Variants in JPH4 observed in about 807,000 individuals in gnomAD.
JPH4 encodes the protein junctophilin 4.
A neutral mutation model predicts 57.6 loss-of-function variants in JPH4; 18 were observed. The ratio of observed to expected loss-of-function variants is 0.31; its 90% confidence interval spans 0.22 to 0.46. The LOEUF is 0.46. Ranked by LOEUF, JPH4 falls within the 20% of genes least tolerant of loss-of-function variation. The pLI, the probability that JPH4 is intolerant of heterozygous loss-of-function variation, is 1.00. For missense variants in JPH4, 727 were observed against 911.1 expected (o/e 0.80, Z 2.60); for synonymous variants, 425 against 406.6 (o/e 1.05, Z -0.54).
At position 23,569,730 on chromosome 14, in the gene JPH4, A is replaced by G. The variant is rs139748760; in HGVS notation, c.1804-13T>C. On this transcript the variant is annotated splice_polypyrimidine_tract_variant and intron_variant, in intron 5 of 5. Transcript: ENST00000356300. This position sits in a 1 kb window ranked among gnomAD's most constrained non-coding sequence, Gnocchi z 4.8. ...GGTTGGCAGCTCCCTAGAGAGACAGAGGGGGAAGCAGACTCAGTCCCCGAG... is the reference window on the plus strand; with the variant it reads ...GGTTGGCAGCTCCCTAGAGAGACAGGGGGGGAAGCAGACTCAGTCCCCGAG... 2.1e-4 allele frequency: 325 copies of G among 1,533,028 alleles called. 1 individual carries two copies. In the Middle Eastern group the frequency reaches 2.7e-3, roughly 13 times the overall value. The allele number at this position is 1,533,028 out of a possible 1,614,324, so 95.0% of individuals were successfully genotyped here. A position where few individuals can be genotyped will look rare whatever the true frequency, so the allele number is the denominator to read the frequency against.
Position 23,571,091 on chromosome 14 carries a change from C to T in JPH4, c.1640G>A (p.Gly547Glu), listed in dbSNP as rs1889127060. 1.2e-6 allele frequency: 2 copies of T among 1,613,720 alleles called. No individual in the cohort carries two copies. The highest frequency in any genetic ancestry group is 1.1e-5 in the South Asian group (1 of 91,062). Reference sequence around the variant, plus strand: ...CGGGGGCAGGGGCTCTTCATCCTCCCCCTCCTCCTCTCGAAGACTTCCTGA... The same window carrying T: ...CGGGGGCAGGGGCTCTTCATCCTCCTCCTCCTCCTCTCGAAGACTTCCTGA... The part of the protein sequence containing the change: ...DSSGSLREEE[G>E]EDEEPLPPLR... Residue 547 changes from glycine to glutamate, a missense_variant, in exon 5 of 6, where the codon GGG becomes GAG. Around this residue, in one of 7 missense-constraint regions of JPH4, gnomAD observed 293 missense variants for 279.8 expected, o/e 1.05. Transcript: ENST00000356300. This position sits in a 1 kb window ranked among gnomAD's most constrained non-coding sequence, Gnocchi z 4.6.
At position 23,568,119 on chromosome 14, in the gene JPH4, C is replaced by T. The variant is rs1216179529; in HGVS notation, c.*1515G>A. The T allele has an allele frequency of 1.0e-6, 1 of 985,150 alleles. No individual in the cohort carries two copies. Among genetic ancestry groups the T allele is most frequent in the East Asian group, 1.1e-4 (1 of 8,822 alleles). The allele number at this position is 985,150 out of a possible 1,614,324, so 61.0% of individuals were successfully genotyped here. A position where few individuals can be genotyped will look rare whatever the true frequency, so the allele number is the denominator to read the frequency against. On this transcript the variant is annotated 3_prime_UTR_variant, in exon 6 of 6. Coordinates refer to ENST00000356300, the MANE Select transcript of JPH4 (RefSeq NM_001146028.2). ...CCTGCAAGACTTGGTGTTGGCGGCA[C>T]TGTTGTAGTTTAACTTCAATCCCAA...
In JPH4 at chr14:23,575,619, G is replaced by C. The variant is rs774890338; in HGVS notation, c.1151+66C>G. 9 of 1,542,766 alleles carry C rather than the reference G, an allele frequency of 5.8e-6. No individual in the cohort carries two copies. The African/African-American group carries it at 1.1e-4, about 19-fold the overall frequency. On this transcript the variant is annotated intron_variant, in intron 3 of 5. Transcript: ENST00000356300. This position sits in a 1 kb window ranked among gnomAD's most constrained non-coding sequence, Gnocchi z 6.9. ...CCTTGGGCCTCCCTTAGGCACACCC[G>C]CCTTCCTGGTCCCCAGCGCACCCCC...
Position 23,570,934 on chromosome 14 carries a change from G to A in JPH4, c.1797C>T (p.Ala599=), listed in dbSNP as rs190103. ...CAGGGACAGAGGATCTCACCGGCTGGGCAGGCCTCTCGGTTGCAGCGGGCT... is the reference window on the plus strand; with the variant it reads ...CAGGGACAGAGGATCTCACCGGCTGAGCAGGCCTCTCGGTTGCAGCGGGCT... ...LGEPAATERP[A]QPGAANPLVV... The change falls in exon 5 of 6, where the codon GCC becomes GCT. Residue 599 remains alanine (A), a synonymous_variant. Transcript: ENST00000356300. The A allele has an allele frequency of 1.3e-6, 2 of 1,512,472 alleles. No individual in the cohort carries two copies. Among genetic ancestry groups the A allele is most frequent in the South Asian group, 1.3e-5 (1 of 74,614 alleles). The allele number at this position is 1,512,472 out of a possible 1,614,324, so 93.7% of individuals were successfully genotyped here. A position where few individuals can be genotyped will look rare whatever the true frequency, so the allele number is the denominator to read the frequency against.
Position 23,577,537 on chromosome 14 carries a change from C to G in JPH4, c.-84G>C. The stretch of plus-strand genomic sequence containing the variant: ...GCCTGCTGGGGGCCTTGGAGCCGGG[C>G]GAGGCCTCGGGGCGGGGGCAGTTAG... On this transcript the variant is annotated 5_prime_UTR_variant, in exon 2 of 6. Transcript: ENST00000356300. This position sits in a 1 kb window ranked among gnomAD's most constrained non-coding sequence, Gnocchi z 8.4. 8.2e-7 allele frequency: 1 copy of G among 1,222,012 alleles called. No individual in the cohort carries two copies. The highest frequency in any genetic ancestry group is 1.1e-6 in the Non-Finnish European group (1 of 945,298). The allele number at this position is 1,222,012 out of a possible 1,614,324, so 75.7% of individuals were successfully genotyped here. A position where few individuals can be genotyped will look rare whatever the true frequency, so the allele number is the denominator to read the frequency against.
chr14:23,572,182 G>A (rs1414860218), intron 3 of JPH4, among the ~76,000 whole-genome samples: 11 of 152,040 alleles, frequency 7.2e-5, no homozygotes, highest in African/African-American at 1.7e-4. Flanking sequence ...CTACTGCTAC[G>A]TCCTGTAGTA....
rs1889277386 is a variant in JPH4 at position 23,576,542 on chromosome 14, C to CA, written c.380-87dup. The CA allele has an allele frequency of 8.5e-7, 1 of 1,183,090 alleles. No individual in the cohort carries two copies. Among genetic ancestry groups the CA allele is most frequent in the East Asian group, 3.2e-5 (1 of 31,368 alleles). The allele number at this position is 1,183,090 out of a possible 1,614,324, so 73.3% of individuals were successfully genotyped here. Reference sequence around the variant, plus strand: ...CAAGTCCCAAGCGCCCCTGGAAGCCCAAGCGTCAGGCGGGAGAGATGGAGG... The same window carrying CA: ...CAAGTCCCAAGCGCCCCTGGAAGCCCAAAGCGTCAGGCGGGAGAGATGGAGG... On this transcript the variant is annotated intron_variant, in intron 2 of 5. Transcript: ENST00000356300. The surrounding 1 kb of genome is among the most constrained non-coding windows in gnomAD (Gnocchi z 8.0).
chr14:23,575,459 C>G lies in JPH4; in HGVS notation c.1151+226G>C. On this transcript the variant is annotated intron_variant, in intron 3 of 5. Coordinates refer to ENST00000356300, the MANE Select transcript of JPH4 (RefSeq NM_001146028.2). The surrounding 1 kb of genome is among the most constrained non-coding windows in gnomAD (Gnocchi z 6.9). Reference sequence around the variant, plus strand: ...ACACCGAGACACATTTACAGTCTTACACCATCTCCCTCAAATACCCAGCTA... The same window carrying G: ...ACACCGAGACACATTTACAGTCTTAGACCATCTCCCTCAAATACCCAGCTA... 3.3e-6 allele frequency: 2 copies of G among 604,402 alleles called. No individual in the cohort carries two copies. Among genetic ancestry groups the G allele is most frequent in the Non-Finnish European group, 5.9e-6 (2 of 339,860 alleles). 37.4% of individuals were successfully genotyped at this position (604,402 alleles called of 1,614,324 possible). A position where few individuals can be genotyped will look rare whatever the true frequency, so the allele number is the denominator to read the frequency against.
chr14:23,572,824 C>T, intron 3 of JPH4: 1 of 701,394 alleles, frequency 1.4e-6, no homozygotes, highest in Non-Finnish European at 2.6e-6. Flanking sequence ...TTCCACAACC[C>T]CCTACCACCT....
chr14:23,571,230 C>T lies in JPH4; in HGVS notation c.1501G>A (p.Gly501Arg), dbSNP rs771757467. Residue 501 changes from glycine (G) to arginine (R), a missense_variant, in exon 5 of 6, where the codon GGG (glycine) becomes AGG (arginine). Coordinates refer to ENST00000356300, the MANE Select transcript of JPH4 (RefSeq NM_001146028.2). This position sits in a 1 kb window ranked among gnomAD's most constrained non-coding sequence, Gnocchi z 4.6. ...AGTTCCTCTGCCTGTGCGCCTGCCC[C>T]CCCCCACTCCTCAGGCCAAGCTTTG... ...SPKAWPEEWG[G>R]AGAQAEELAG... The T allele has an allele frequency of 9.3e-6, 15 of 1,611,962 alleles. No individual in the cohort carries two copies. The highest frequency in any genetic ancestry group is 1.6e-4 in the Middle Eastern group (1 of 6,072).
At position 23,577,674 on chromosome 14, in the gene JPH4, T is replaced by C. The variant is rs1889309367; in HGVS notation, c.-171-50A>G. 2 of 408,094 alleles carry C rather than the reference T, an allele frequency of 4.9e-6. No homozygotes were observed. Among genetic ancestry groups the C allele is most frequent in the South Asian group, 8.8e-5 (1 of 11,424 alleles). 25.3% of individuals were successfully genotyped at this position (408,094 alleles called of 1,614,324 possible). A position where few individuals can be genotyped will look rare whatever the true frequency, so the allele number is the denominator to read the frequency against. ...AAGTGGCGAGAGAGGCCCCTCCTCT[T>C]TGCCCGCCGCTCCCTGGCCCGGTGG... On this transcript the variant is annotated intron_variant, in intron 1 of 5. Coordinates refer to ENST00000356300, the MANE Select transcript of JPH4 (RefSeq NM_001146028.2). This position sits in a 1 kb window ranked among gnomAD's most constrained non-coding sequence, Gnocchi z 8.4.
chr14:23,570,813 A>T, intron 5 of JPH4, 115 bp downstream of exon 5: 1 of 1,101,242 alleles, frequency 9.1e-7, no homozygotes, highest in Non-Finnish European at 1.2e-6. Context: ...AAGACTGGCC[A>T]GGCAGAGGAA....
rs1482854382 is a variant in JPH4, at chr14:23,569,495, C to A, written c.*139G>T. ...GGAAAGAAAAAGCGAGAGAAAAAAA[C>A]AAAGGAGCACAGAAAAGAAAGGAAG... On this transcript the variant is annotated 3_prime_UTR_variant, in exon 6 of 6. Transcript: ENST00000356300. The surrounding 1 kb of genome is among the most constrained non-coding windows in gnomAD (Gnocchi z 4.8). The A allele has an allele frequency of 4.4e-6, 3 of 680,164 alleles. No individual in the cohort carries two copies. Among genetic ancestry groups the A allele is most frequent in the East Asian group, 5.5e-5 (2 of 36,272 alleles). The allele number at this position is 680,164 out of a possible 1,614,324, so 42.1% of individuals were successfully genotyped here.
chr14:23,572,067 G>T, intron 3 of JPH4, 147 bp from the exon 4 acceptor site: 1 of 726,090 alleles, frequency 1.4e-6, no homozygotes, highest in Non-Finnish European at 2.3e-6. Context: ...CACTCTGCCA[G>T]CTGCTTCCCT....
In JPH4 at chr14:23,568,124, G is replaced by A. The variant is rs1269281375; in HGVS notation, c.*1510C>T. Reference sequence around the variant, plus strand: ...AAGACTTGGTGTTGGCGGCACTGTTGTAGTTTAACTTCAATCCCAAATTCC... The same window carrying A: ...AAGACTTGGTGTTGGCGGCACTGTTATAGTTTAACTTCAATCCCAAATTCC... On this transcript the variant is annotated 3_prime_UTR_variant, in exon 6 of 6. Coordinates refer to ENST00000356300, the MANE Select transcript of JPH4 (RefSeq NM_001146028.2). 7 of 985,276 alleles carry A rather than the reference G, an allele frequency of 7.1e-6. No individual in the cohort carries two copies. In the Admixed American group the frequency reaches 4.3e-4, roughly 61 times the overall value. The allele number at this position is 985,276 out of a possible 1,614,324, so 61.0% of individuals were successfully genotyped here.
In JPH4 at chr14:23,575,663, G is replaced by A. The variant is rs2139472150; in HGVS notation, c.1151+22C>T. On this transcript the variant is annotated intron_variant, in intron 3 of 5. Transcript: ENST00000356300. This position sits in a 1 kb window ranked among gnomAD's most constrained non-coding sequence, Gnocchi z 6.9. ...CACCCCCTCCTCTTAGCCCAGCTTT[G>A]GCCTCTGAACTGGACGCCCACCTGG... The A allele has an allele frequency of 1.3e-6, 2 of 1,586,036 alleles. No individual in the cohort carries two copies. Among genetic ancestry groups the A allele is most frequent in the East Asian group, 2.3e-5 (1 of 43,032 alleles).
At position 23,576,132 on chromosome 14, in the gene JPH4, C is replaced by G; in HGVS notation, c.704G>C (p.Ser235Thr). ...GGAGCCTCGCTTGCTGCCCAGGGAG[C>G]TGCGACGTCCGCCCGCTCGGAGCCC... ...LSGLRAGGRR[S>T]SLGSKRGSLR... The change falls in exon 3 of 6, where the codon AGC (serine) becomes ACC (threonine). Residue 235 changes from serine to threonine, a missense_variant. Coordinates refer to ENST00000356300, the MANE Select transcript of JPH4 (RefSeq NM_001146028.2). This position sits in a 1 kb window ranked among gnomAD's most constrained non-coding sequence, Gnocchi z 8.0. 7.6e-7 allele frequency: 1 copy of G among 1,310,732 alleles called. No homozygotes were observed. The highest frequency in any genetic ancestry group is 9.7e-7 in the Non-Finnish European group (1 of 1,029,596). The allele number at this position is 1,310,732 out of a possible 1,614,324, so 81.2% of individuals were successfully genotyped here. A position where few individuals can be genotyped will look rare whatever the true frequency, so the allele number is the denominator to read the frequency against.
chr14:23,576,996 C>T lies in JPH4; in HGVS notation c.379+79G>A. On this transcript the variant is annotated intron_variant, in intron 2 of 5. Transcript: ENST00000356300. This position sits in a 1 kb window ranked among gnomAD's most constrained non-coding sequence, Gnocchi z 8.0. ...GGAAAGAAGGATGGGCGCAAGGGCGCAAATGGCGGGCGAAGGCCCAAGGCT... is the reference window on the plus strand; with the variant it reads ...GGAAAGAAGGATGGGCGCAAGGGCGTAAATGGCGGGCGAAGGCCCAAGGCT... The T allele has an allele frequency of 7.0e-7, 1 of 1,418,868 alleles. No homozygotes were observed. The highest frequency in any genetic ancestry group is 1.5e-5 in the South Asian group (1 of 65,266). 87.9% of individuals were successfully genotyped at this position (1,418,868 alleles called of 1,614,324 possible). A position where few individuals can be genotyped will look rare whatever the true frequency, so the allele number is the denominator to read the frequency against.
chr14:23,576,972 G>A lies in JPH4; in HGVS notation c.379+103C>T. 7.5e-7 allele frequency: 1 copy of A among 1,324,868 alleles called. No homozygotes were observed. Among genetic ancestry groups the A allele is most frequent in the South Asian group, 1.6e-5 (1 of 60,864 alleles). 82.1% of individuals were successfully genotyped at this position (1,324,868 alleles called of 1,614,324 possible). ...ACATCGATGGGGAATGGTGGCGGGG[G>A]AAAGAAGGATGGGCGCAAGGGCGCA... On this transcript the variant is annotated intron_variant, in intron 2 of 5. Transcript: ENST00000356300. The surrounding 1 kb of genome is among the most constrained non-coding windows in gnomAD (Gnocchi z 8.0).
Sources: allele counts gnomAD v4.1 joint callset (sites outside exome capture counted in the v4.1 genomes callset), GRCh38; gene constraint gnomAD v4.1.1; regional missense constraint gnomAD v4.1.1; non-coding constraint Gnocchi (gnomAD v3.1); transcripts MANE v1.5; gene names NCBI Gene and HGNC (gene_info 2026-07-23, HGNC 2026-07-21).